Variants in C2orf76 observed in about 807,000 individuals in gnomAD.
C2orf76 encodes the protein chromosome 2 open reading frame 76, also known as UPF0538 protein C2orf76.
A neutral mutation model predicts 16.9 loss-of-function variants in C2orf76; 23 were observed. That is an observed-to-expected ratio of 1.36 (90% CI 0.98 to 1.93). The LOEUF is 1.93. Ranked by LOEUF, C2orf76 falls within the 30% of genes most tolerant of loss-of-function variation. C2orf76 has a pLI of 0.00. For missense variants in C2orf76, 152 were observed against 152.6 expected (o/e 1.00, Z 0.02); for synonymous variants, 48 against 52.3 (o/e 0.92, Z 0.35).
intron 4 of C2orf76, among the ~76,000 whole-genome samples, chr2:119,312,570 C>A (rs1453637353): frequency 6.6e-6 from 1 of 152,102 alleles, no homozygotes; most frequent in Non-Finnish European, 1.5e-5. Flanking sequence ...TTCAAACGGC[C>A]AGAAGTCCAC....
downstream of C2orf76, among the ~76,000 whole-genome samples, chr2:119,299,572 GCTCTGCTCCCT>G (rs1678585608): frequency 6.6e-6 from 1 of 152,056 alleles, no homozygotes. Context: ...TGTCAGCAGG[GCTCTGCTCCCT>G]CTGCAGGCTC....
chr2:119,366,523 C>T (rs1247225361), intron 1 of C2orf76: 1 of 471,230 alleles, frequency 2.1e-6, no homozygotes, highest in East Asian at 6.9e-5. Flanking sequence ...GGGACCATCT[C>T]CGGGGGTCTC....
chr2:119,313,737 C>CT (rs1407224734), intron 4 of C2orf76, among the ~76,000 whole-genome samples: 1 of 152,220 alleles, frequency 6.6e-6, no homozygotes, highest in African/African-American at 2.4e-5. Flanking sequence ...ACTGGGACCA[C>CT]TGAGAGGACC....
chr2:119,322,593 C>T (rs1679380260), intron 2 of C2orf76, among the ~76,000 whole-genome samples: 1 of 152,164 alleles, frequency 6.6e-6, no homozygotes, highest in African/African-American at 2.4e-5. Context: ...GCATTGCTCA[C>T]AGCAGCAAAT....
chr2:119,356,873 C>T (rs1387575542), intron 1 of C2orf76, among the ~76,000 whole-genome samples: 1 of 151,974 alleles, frequency 6.6e-6, no homozygotes, highest in Non-Finnish European at 1.5e-5. Flanking sequence ...GAACTAATTA[C>T]ATACATACAT....
At chr2:119,325,375 G>C (rs953785195) in intron 2 of C2orf76, among the ~76,000 whole-genome samples, 1 of 145,646 alleles carries the variant, frequency 6.9e-6, no homozygotes, top group Non-Finnish European at 1.5e-5. Context: ...CATGAGAATC[G>C]CTTGAACCCA....
intron 1 of C2orf76, 57 bp from the exon 2 acceptor site, chr2:119,340,028 G>A (rs1224138012): frequency 4.5e-6 from 7 of 1,557,706 alleles, no homozygotes; most frequent in Non-Finnish European, 6.2e-6. Context: ...TTGTCTACCA[G>A]CACCTAGCCT....
intron 4 of C2orf76, 126 bp downstream of exon 4, chr2:119,317,340 T>C: frequency 1.6e-6 from 1 of 615,212 alleles, no homozygotes; most frequent in Non-Finnish European, 2.5e-6. Flanking sequence ...AAAGGGTACC[T>C]ACAAAATAAA....
chr2:119,293,097 C>G, the C2orf76 span, among the ~76,000 whole-genome samples: 1 of 152,318 alleles, frequency 6.6e-6, no homozygotes, highest in African/African-American at 2.4e-5. Context: ...AAGTCATTCT[C>G]TCATCCCAGA....
intron 4 of C2orf76, 79 bp from the exon 5 acceptor site, chr2:119,311,782 T>A: frequency 7.7e-7 from 1 of 1,299,270 alleles, no homozygotes; most frequent in South Asian, 1.4e-5. Context: ...AGACACAGAG[T>A]TGTAACTCTG....
chr2:119,366,377 A>T (rs753886561), intron 1 of C2orf76: 1 of 469,256 alleles, frequency 2.1e-6, no homozygotes, highest in Non-Finnish European at 4.4e-6. Flanking sequence ...AATGCACCAC[A>T]GACATAAATG....
chr2:119,327,682 C>G (rs1440278085), intron 2 of C2orf76, among the ~76,000 whole-genome samples: 1 of 152,072 alleles, frequency 6.6e-6, no homozygotes, highest in Non-Finnish European at 1.5e-5. Flanking sequence ...CCTTTGCCTT[C>G]CACCATGGTA....
chr2:119,349,766 C>A (rs1680322455), intron 1 of C2orf76, among the ~76,000 whole-genome samples: 1 of 152,260 alleles, frequency 6.6e-6, no homozygotes, highest in African/African-American at 2.4e-5. Context: ...GAGCCATGGG[C>A]CCCCTCTGTA....
Position 119,311,790 on chromosome 2 carries a change from C to G in C2orf76, c.223-87G>C, listed in dbSNP as rs141205352. The G allele has an allele frequency of 1.4e-3, 1,614 of 1,193,738 alleles. 12 individuals are homozygous for G. In the East Asian group the frequency reaches 0.025, roughly 19 times the overall value. 73.9% of individuals were successfully genotyped at this position (1,193,738 alleles called of 1,614,324 possible). A position where few individuals can be genotyped will look rare whatever the true frequency, so the allele number is the denominator to read the frequency against. On this transcript the variant is annotated intron_variant, in intron 4 of 5. Coordinates refer to ENST00000334816, the MANE Select transcript of C2orf76 (RefSeq NM_001322331.2). ...TTCTCAAAGACACAGAGTTGTAACT[C>G]TGAGCACAGCAATAATCTAAGTAGA... is the stretch of plus-strand genomic sequence containing the variant.
chr2:119,282,129 G>A, the C2orf76 span, among the ~76,000 whole-genome samples: 1 of 150,712 alleles, frequency 6.6e-6, no homozygotes, highest in East Asian at 1.9e-4. Context: ...CTGGGCAACA[G>A]AGCCAGACTC....
At chr2:119,336,080 T>G (rs1427322426) in intron 2 of C2orf76, among the ~76,000 whole-genome samples, 1 of 152,232 alleles carries the variant, frequency 6.6e-6, no homozygotes, top group Non-Finnish European at 1.5e-5. Flanking sequence ...GATACCTCTA[T>G]GATCATAATA....
At chr2:119,295,168 A>G in the C2orf76 span, among the ~76,000 whole-genome samples, 20 of 152,162 alleles carry the variant, frequency 1.3e-4, no homozygotes, top group African/African-American at 4.6e-4. Context: ...GAGTTCTTCA[A>G]TGACCTAAGA....
At chr2:119,355,709 G>A (rs1680549080) in intron 1 of C2orf76, among the ~76,000 whole-genome samples, 1 of 152,108 alleles carries the variant, frequency 6.6e-6, no homozygotes, top group Non-Finnish European at 1.5e-5. Context: ...GATGATCTCA[G>A]ATGGGACAGT....
At chr2:119,321,399 C>T (rs916878798) in intron 2 of C2orf76, among the ~76,000 whole-genome samples, 195 bp from the exon 3 acceptor site, 3 of 152,028 alleles carry the variant, frequency 2.0e-5, no homozygotes, top group African/African-American at 7.2e-5. Flanking sequence ...TAAAGAAATA[C>T]CCAAGACTAG....
Sources: gnomAD v4.1 joint callset for allele counts (sites outside exome capture counted in the v4.1 genomes callset) on GRCh38, gnomAD v4.1.1 for gene constraint, MANE v1.5 for transcripts, NCBI Gene and HGNC (gene_info 2026-07-23, HGNC 2026-07-21) for gene names.